The following SUCLG2 variants were observed in gnomAD, a reference collection of about 807,000 sequenced individuals.
The protein encoded by SUCLG2 is succinate--CoA ligase [GDP-forming] subunit beta, mitochondrial.
Under a neutral mutation model 47.9 loss-of-function variants are expected in SUCLG2, and 42 were observed. That is an observed-to-expected ratio of 0.88 (90% CI 0.69 to 1.14). The LOEUF (loss-of-function observed/expected upper bound fraction) is 1.14, where lower values mean the gene tolerates loss of function less well. Among genes scored for constraint, SUCLG2 ranks in the 50% most tolerant of loss-of-function variants. SUCLG2 has a pLI of 0.00. For synonymous variants in SUCLG2, 195 were observed against 197.3 expected, an observed-to-expected ratio of 0.99 and a Z score of 0.10; for missense variants, 571 against 525.9, an observed-to-expected ratio of 1.09 and a Z score of -0.84.
intron 6 of SUCLG2, chr3:67,514,076 A>C: frequency 2.9e-6 from 1 of 340,398 alleles, no homozygotes. Flanking sequence ...CTGAAACAGC[A>C]GTACTTGCTT....
intron 9 of SUCLG2, among the ~76,000 whole-genome samples, chr3:67,403,344 A>C (rs933531903): frequency 2.6e-5 from 4 of 152,200 alleles, no homozygotes; most frequent in Non-Finnish European, 5.9e-5. Context: ...AACAAAGATT[A>C]TGTATTTTCC....
chr3:67,615,601 T>C (rs116180390), intron 1 of SUCLG2, among the ~76,000 whole-genome samples: 2,647 of 135,886 alleles, frequency 0.019, 76 homozygotes, highest in African/African-American at 0.07. Context: ...AAGATGCCAC[T>C]GAACACAAAC....
chr3:67,437,622 A>G (rs1414318205), intron 9 of SUCLG2, among the ~76,000 whole-genome samples: 1 of 152,082 alleles, frequency 6.6e-6, no homozygotes, highest in East Asian at 1.9e-4. Flanking sequence ...GGCTGGCTTT[A>G]TTATAAGGGT....
intron 6 of SUCLG2, among the ~76,000 whole-genome samples, chr3:67,518,021 T>C (rs978421716): frequency 7.9e-5 from 12 of 152,146 alleles, no homozygotes; most frequent in African/African-American, 2.7e-4. Context: ...CCACATGCAA[T>C]ACACATGCAC....
At chr3:67,434,039 A>C (rs1041782589) in intron 9 of SUCLG2, among the ~76,000 whole-genome samples, 4 of 152,256 alleles carry the variant, frequency 2.6e-5, no homozygotes, top group African/African-American at 9.6e-5. Flanking sequence ...GACAAAGTGC[A>C]TGAGAAGAAG....
intron 9 of SUCLG2, among the ~76,000 whole-genome samples, chr3:67,468,056 C>T (rs936970099): frequency 2.1e-4 from 32 of 152,134 alleles, no homozygotes; most frequent in African/African-American, 7.5e-4. Context: ...AAAAGCAGGC[C>T]GGGTGGTGTC....
chr3:67,456,547 T>G (rs73102398), intron 9 of SUCLG2, among the ~76,000 whole-genome samples: 1 of 152,106 alleles, frequency 6.6e-6, no homozygotes, highest in Non-Finnish European at 1.5e-5. Context: ...TGTGAGGGCA[T>G]AGGGAAAAAC....
intron 9 of SUCLG2, among the ~76,000 whole-genome samples, chr3:67,475,896 A>C (rs74280230): frequency 0.033 from 4,992 of 152,046 alleles, 140 homozygotes; most frequent in East Asian, 0.13. Context: ...ATAAACCTGA[A>C]ATACTGCCTG....
chr3:67,364,938 T>C (rs142757096), intron 10 of SUCLG2, among the ~76,000 whole-genome samples: 60 of 151,980 alleles, frequency 3.9e-4, no homozygotes, highest in African/African-American at 1.3e-3. Context: ...AGGAACAAAA[T>C]AGAAAGTTTC....
At chr3:67,489,985 A>C (rs540778945) in intron 9 of SUCLG2, among the ~76,000 whole-genome samples, 1 of 152,342 alleles carries the variant, frequency 6.6e-6, no homozygotes, top group African/African-American at 2.4e-5. Flanking sequence ...AGACCAAATA[A>C]GGCAACAGTA....
At chr3:67,410,621 G>C (rs542928721) in intron 9 of SUCLG2, among the ~76,000 whole-genome samples, 1 of 152,108 alleles carries the variant, frequency 6.6e-6, no homozygotes, top group African/African-American at 2.4e-5. Flanking sequence ...AGTGCTGTGT[G>C]TTTAAAATAA....
At chr3:67,577,312 C>A (rs76075448) in intron 2 of SUCLG2, among the ~76,000 whole-genome samples, 15 of 132,822 alleles carry the variant, frequency 1.1e-4, no homozygotes, top group African/African-American at 2.1e-4. Context: ...TCTCAAAAAA[C>A]AAAAAAAAAA....
chr3:67,518,964 ATAT>A (rs1040450326), intron 5 of SUCLG2, among the ~76,000 whole-genome samples: 31 of 152,280 alleles, frequency 2.0e-4, no homozygotes, highest in African/African-American at 7.5e-4. Context: ...TTATTATATA[ATAT>A]TAGTGAAAAT....
At chr3:67,393,219 A>G (rs974170661) in intron 10 of SUCLG2, among the ~76,000 whole-genome samples, 1 of 152,260 alleles carries the variant, frequency 6.6e-6, no homozygotes, top group Non-Finnish European at 1.5e-5. Context: ...AGGGCGAGGC[A>G]TTGCCTCACT....
At chr3:67,373,528 G>A (rs1259922704), downstream of SUCLG2, among the ~76,000 whole-genome samples, 3 of 152,094 alleles carry the variant, frequency 2.0e-5, no homozygotes, top group Non-Finnish European at 2.9e-5. Flanking sequence ...TATGTTAAAT[G>A]TAAACTTGTC....
intron 2 of SUCLG2, among the ~76,000 whole-genome samples, chr3:67,558,331 CAAAAA>C (rs35100169): frequency 3.5e-5 from 4 of 114,934 alleles, no homozygotes; most frequent in Non-Finnish European, 2.0e-5. Context: ...TCTTTGACAC[CAAAAA>C]AAAAAAAAAA....
At chr3:67,634,843 CAT>C (rs1207803091) in intron 1 of SUCLG2, among the ~76,000 whole-genome samples, 1 of 152,202 alleles carries the variant, frequency 6.6e-6, no homozygotes. Context: ...ATTCTAACCA[CAT>C]GTTTGAGAAT....
intron 7 of SUCLG2, among the ~76,000 whole-genome samples, chr3:67,505,859 G>A (rs1705622392): frequency 6.6e-6 from 1 of 152,154 alleles, no homozygotes; most frequent in Non-Finnish European, 1.5e-5. Flanking sequence ...ATACTCGGGA[G>A]GCTGACGTAG....
chr3:67,375,967 A>G, intron 10 of SUCLG2, 108 bp from the exon 11 acceptor site: 1 of 1,455,642 alleles, frequency 6.9e-7, no homozygotes, highest in Non-Finnish European at 9.1e-7. Flanking sequence ...TCACTAGGAA[A>G]TGAATTAAAT....
Sources: allele counts gnomAD v4.1 joint callset (sites outside exome capture counted in the v4.1 genomes callset), GRCh38; gene constraint gnomAD v4.1.1; transcripts MANE v1.5; gene names NCBI Gene and HGNC (gene_info 2026-07-23, HGNC 2026-07-21).